The following MTMR10 variants were observed in gnomAD, a reference collection of about 807,000 sequenced individuals.
MTMR10 encodes myotubularin related protein 10.
A neutral mutation model predicts 88.1 loss-of-function variants in MTMR10; 56 were observed. That is an observed-to-expected ratio of 0.64 (90% CI 0.51 to 0.79). MTMR10 has a LOEUF of 0.79. Ranked by LOEUF, MTMR10 falls within the 30% of genes least tolerant of loss-of-function variation. The probability of loss-of-function intolerance (pLI) is 0.00; values close to 1 mark genes in which losing one functional copy is unlikely to be tolerated. For synonymous variants in MTMR10, 380 were observed against 340.9 expected (o/e 1.11, Z -1.26); for missense variants, 883 against 924.7 (o/e 0.95, Z 0.58).
chr15:30,990,719 T>C (rs1428398838), intron 2 of MTMR10, 58 bp downstream of exon 2: 1 of 1,447,156 alleles, frequency 6.9e-7, no homozygotes, highest in African/African-American at 1.4e-5. Context: ...GTCGGCAGAA[T>C]AATCTTAAAC....
chr15:30,990,325 G>A (rs930801984), intron 2 of MTMR10, among the ~76,000 whole-genome samples: 2 of 152,160 alleles, frequency 1.3e-5, no homozygotes, highest in African/African-American at 4.8e-5. Flanking sequence ...TGTCTCTGCT[G>A]GGAAAAGCCT....
At chr15:30,976,748 T>G (rs747206850) in intron 3 of MTMR10, 71 bp downstream of exon 3, 1 of 1,486,788 alleles carries the variant, frequency 6.7e-7, no homozygotes, top group Non-Finnish European at 9.1e-7. Context: ...ATACCTATGT[T>G]TTATATAATA....
chr15:30,980,065 T>C (rs767289155), intron 2 of MTMR10, among the ~76,000 whole-genome samples: 3 of 152,236 alleles, frequency 2.0e-5, no homozygotes, highest in Non-Finnish European at 4.4e-5. Flanking sequence ...GTGTTAGAGA[T>C]AGTTACTGAA....
intron 2 of MTMR10, among the ~76,000 whole-genome samples, chr15:30,984,880 C>A (rs926929319): frequency 2.0e-5 from 3 of 152,160 alleles, no homozygotes; most frequent in African/African-American, 7.2e-5. Context: ...TTTCTTGACA[C>A]CCCTGCCCTA....
chr15:30,974,583 T>C, intron 4 of MTMR10, 127 bp from the exon 5 acceptor site: 1 of 907,776 alleles, frequency 1.1e-6, no homozygotes, highest in African/African-American at 1.7e-5. Flanking sequence ...TTGTCTAGAA[T>C]GTTTCATACT....
downstream of MTMR10, among the ~76,000 whole-genome samples, chr15:30,935,048 G>C (rs1206250882): frequency 1.3e-5 from 2 of 152,074 alleles, no homozygotes; most frequent in East Asian, 3.9e-4. Flanking sequence ...TTTCACGCCT[G>C]TAATTCCAGC....
chr15:30,938,229 AG>A (rs1334062317), downstream of MTMR10, among the ~76,000 whole-genome samples: 1 of 152,204 alleles, frequency 6.6e-6, no homozygotes, highest in African/African-American at 2.4e-5. Context: ...GTTTCCTTCA[AG>A]TAATTAATTA....
chr15:30,957,108 T>C (rs2063338245), intron 9 of MTMR10, among the ~76,000 whole-genome samples: 1 of 152,218 alleles, frequency 6.6e-6, no homozygotes, highest in Non-Finnish European at 1.5e-5. Context: ...AGGACTGTGA[T>C]ACACAATTTC....
At chr15:30,954,549 CTCA>C (rs1164221934) in intron 10 of MTMR10, among the ~76,000 whole-genome samples, 1 of 151,932 alleles carries the variant, frequency 6.6e-6, no homozygotes, top group Non-Finnish European at 1.5e-5. Flanking sequence ...ATTTAATACA[CTCA>C]TTTTTCCCCC....
intron 3 of MTMR10, 52 bp downstream of exon 3, chr15:30,976,767 C>T: frequency 6.4e-7 from 1 of 1,557,146 alleles, no homozygotes; most frequent in East Asian, 2.3e-5. Flanking sequence ...TAATATGTAC[C>T]ACTTAGAGTT....
rs1417843550 is a variant in MTMR10 at position 30,943,147 on chromosome 15, A to T, written c.1549-75T>A. The stretch of plus-strand genomic sequence containing the variant: ...ATGCCTTTTTTCAGATGAGCCACTC[A>T]TCATTACACAGGTTAAATGTTCTGT... On this transcript the variant is annotated intron_variant, in intron 14 of 15. Coordinates refer to ENST00000435680, the MANE Select transcript of MTMR10 (RefSeq NM_017762.3). The T allele has an allele frequency of 2.0e-6, 3 of 1,488,324 alleles. No homozygotes were observed. The East Asian group carries it at 7.4e-5, about 37-fold the overall frequency. 92.2% of individuals were successfully genotyped at this position (1,488,324 alleles called of 1,614,324 possible).
At chr15:30,970,966 A>T (rs1198726823) in intron 5 of MTMR10, among the ~76,000 whole-genome samples, 1 of 152,178 alleles carries the variant, frequency 6.6e-6, no homozygotes, top group Non-Finnish European at 1.5e-5. Context: ...TGTATAACTT[A>T]TGTTCATATG....
chr15:30,951,752 G>A (rs1032379671), intron 12 of MTMR10, among the ~76,000 whole-genome samples: 2 of 152,096 alleles, frequency 1.3e-5, no homozygotes, highest in African/African-American at 2.4e-5. Context: ...CGCCCGCCTC[G>A]ACCTCCCAAA....
chr15:30,954,789 A>G lies in MTMR10; in HGVS notation c.1040T>C (p.Val347Ala). The change falls in exon 10 of 16, where the codon GTA becomes GCA. Residue 347 changes from valine to alanine, a missense_variant. This residue lies in a region of MTMR10 where 414 missense variants were observed against 423.2 expected (regional missense o/e 0.98). Transcript: ENST00000435680. ...ATTAACGCATAGCTGCTTCAGTTTT[A>G]CAAATGCTGCCTGTACTTCTTGAAT... Reference protein sequence around the residue: ...PNIQEVQAAFVKLKQLCVNEP... With the variant: ...PNIQEVQAAFAKLKQLCVNEP... 1 of 1,602,212 alleles carries G rather than the reference A, an allele frequency of 6.2e-7. No individual in the cohort carries two copies. The highest frequency in any genetic ancestry group is 8.5e-7 in the Non-Finnish European group (1 of 1,174,656).
At chr15:30,922,134 C>T in the MTMR10 span, 57 of 1,392,212 alleles carry the variant, frequency 4.1e-5, no homozygotes, top group South Asian at 1.7e-4. Context: ...TGGAAAGATA[C>T]GCATTATAAA....
Position 30,954,818 on chromosome 15 carries a change from A to C in MTMR10, c.1011T>G (p.Pro337=), listed in dbSNP as rs1401364837. The change falls in exon 10 of 16, where the codon CCT becomes CCG. Residue 337 remains proline (P), a synonymous_variant. Coordinates refer to ENST00000435680, the MANE Select transcript of MTMR10 (RefSeq NM_017762.3). ...VYKSDLDKTL[P]NIQEVQAAFV... is the part of the protein sequence containing the mutation. ...ATGCTGCCTGTACTTCTTGAATATT[A>C]GGCAAGGTCTTATCCAAATCTGATT... 4 of 1,599,040 alleles carry C rather than the reference A, an allele frequency of 2.5e-6. No homozygotes were observed. In the South Asian group the frequency reaches 3.4e-5, roughly 14 times the overall value.
chr15:30,951,689 A>G (rs1022610392), intron 12 of MTMR10, among the ~76,000 whole-genome samples: 4 of 152,084 alleles, frequency 2.6e-5, no homozygotes, highest in African/African-American at 9.7e-5. Context: ...TAGTAGAGAC[A>G]AGGTTTCACC....
rs371659472 is a variant in MTMR10 at position 30,974,968 on chromosome 15, G to A, written c.294C>T (p.His98=). Residue 98 remains histidine, a synonymous_variant, in exon 4 of 16, where the codon CAC becomes CAT. Transcript: ENST00000435680. ...GCTCAATACATGTTAAAGGGACATC[G>A]TGTTCACCAAGAAGAAGGTTTCTGT... The part of the protein sequence containing the change: ...FHYRNLLLGE[H]DVPLTCIEQI... 1.5e-4 allele frequency: 238 copies of A among 1,577,662 alleles called. No homozygotes were observed. Among genetic ancestry groups the A allele is most frequent in the Non-Finnish European group, 1.9e-4 (215 of 1,159,970 alleles).
Position 30,959,053 on chromosome 15 carries a change from A to G in MTMR10, c.827T>C (p.Phe276Ser). The G allele has an allele frequency of 1.2e-6, 2 of 1,613,434 alleles. No individual in the cohort carries two copies. Among genetic ancestry groups the G allele is most frequent in the Non-Finnish European group, 1.7e-6 (2 of 1,179,512 alleles). ...ACTTACTGGCATCCTTCTCCCAACA[A>G]AAGAATGGGAAAAGATCTTTAGATC... ...DQDLKIFSHS[F>S]VGRRMPLWCW... Residue 276 changes from phenylalanine to serine, a missense_variant, in exon 8 of 16, where the codon TTT becomes TCT. Coordinates refer to ENST00000435680, the MANE Select transcript of MTMR10 (RefSeq NM_017762.3).
Sources: allele counts gnomAD v4.1 joint callset (sites outside exome capture counted in the v4.1 genomes callset), GRCh38; gene constraint gnomAD v4.1.1; regional missense constraint gnomAD v4.1.1; transcripts MANE v1.5; gene names NCBI Gene and HGNC (gene_info 2026-07-23, HGNC 2026-07-21).